EIF2AK4: variants seen among roughly 807,000 people sequenced by gnomAD.
EIF2AK4 encodes eukaryotic translation initiation factor 2 alpha kinase 4.
EIF2AK4 carries 139 observed loss-of-function variants against 211.1 expected under a neutral mutation model. The ratio of observed to expected loss-of-function variants is 0.66; its 90% CI spans 0.57 to 0.76. The LOEUF is 0.76. Ranked by LOEUF, EIF2AK4 falls within the 30% of genes least tolerant of loss-of-function variation. The pLI, the probability that EIF2AK4 is intolerant of heterozygous loss-of-function variation, is 0.00. For missense variants in EIF2AK4, 1,664 were observed against 2,043.8 expected, an observed-to-expected ratio of 0.81 and a Z score of 3.58; for synonymous variants, 710 against 751.3, an observed-to-expected ratio of 0.94 and a Z score of 0.90.
At chr15:40,032,445 A>G (rs2035556290) in intron 36 of EIF2AK4, among the ~76,000 whole-genome samples, 1 of 152,260 alleles carries the variant, frequency 6.6e-6, no homozygotes, top group Non-Finnish European at 1.5e-5. Context: ...TCTTTAAGAT[A>G]GAGGAAAATG....
At chr15:39,996,227 A>G (rs546554571) in intron 18 of EIF2AK4, among the ~76,000 whole-genome samples, 33 of 152,332 alleles carry the variant, frequency 2.2e-4, no homozygotes, top group African/African-American at 7.5e-4. Context: ...TGTAGTCAGG[A>G]GCTGGCCTTT....
intron 29 of EIF2AK4, among the ~76,000 whole-genome samples, chr15:40,017,558 T>TGTATG (rs1555422343): frequency 2.3e-5 from 3 of 127,990 alleles, no homozygotes; most frequent in Non-Finnish European, 3.3e-5. Flanking sequence ...TATATATGTA[T>TGTATG]TTTGGAGACA....
At chr15:40,026,134 A>G (rs757642939) in intron 33 of EIF2AK4, 45 bp downstream of exon 33, 2 of 1,489,572 alleles carry the variant, frequency 1.3e-6, no homozygotes, top group African/African-American at 2.8e-5. Context: ...TCAGTTACCT[A>G]TATGGAAACT....
chr15:40,010,445 ATTACT>A (rs2035219675), intron 26 of EIF2AK4, among the ~76,000 whole-genome samples: 3 of 152,194 alleles, frequency 2.0e-5, no homozygotes, highest in Non-Finnish European at 4.4e-5. Flanking sequence ...CATAGTATTC[ATTACT>A]TTATAGTATA....
chr15:39,967,300 G>A (rs768589752), intron 8 of EIF2AK4, 44 bp from the exon 9 acceptor site: 41 of 1,504,668 alleles, frequency 2.7e-5, no homozygotes, highest in Admixed American at 6.6e-5. Context: ...CCAAGTTAAT[G>A]TTGACTGGCC....
rs2035586050 is a variant in EIF2AK4 at position 40,034,391 on chromosome 15, A to G, written c.4839A>G (p.Gln1613=). Residue 1613 remains glutamine (Q), a synonymous_variant, in exon 38 of 39, where the codon CAA becomes CAG. Transcript: ENST00000263791. ...VKQLLSRLPK[Q]RYLKLVCDEI... ...AGCTGCTGTCACGCCTGCCAAAGCA[A>G]AGATACCTCAAATTAGTCTGTGATG... The G allele has an allele frequency of 1.9e-6, 3 of 1,614,012 alleles. No individual in the cohort carries two copies. The highest frequency in any genetic ancestry group is 3.3e-5 in the Admixed American group (2 of 60,000).
intron 38 of EIF2AK4, among the ~76,000 whole-genome samples, 163 bp from the exon 39 acceptor site, chr15:40,034,864 T>C (rs1324061187): frequency 6.6e-6 from 1 of 151,982 alleles, no homozygotes; most frequent in Non-Finnish European, 1.5e-5. Flanking sequence ...TGCAGACCCC[T>C]GTCAGTCACA....
At chr15:40,018,997 G>C in intron 29 of EIF2AK4, 96 bp from the exon 30 acceptor site, 1 of 865,346 alleles carries the variant, frequency 1.2e-6, no homozygotes, top group South Asian at 1.6e-5. Context: ...TTGATGATGA[G>C]CTGCTGACAG....
intron 33 of EIF2AK4, among the ~76,000 whole-genome samples, chr15:40,026,355 G>A (rs2035465707): frequency 6.6e-6 from 1 of 152,172 alleles, no homozygotes; most frequent in Non-Finnish European, 1.5e-5. Flanking sequence ...CTACTCAGGA[G>A]CTGAGGTGGG....
At chr15:39,979,672 A>G (rs1353166926) in intron 13 of EIF2AK4, among the ~76,000 whole-genome samples, 2 of 152,244 alleles carry the variant, frequency 1.3e-5, no homozygotes, top group Non-Finnish European at 2.9e-5. Context: ...CCACATTTAA[A>G]ACTGAAAATC....
In EIF2AK4 at chr15:40,001,236, C is replaced by A. The variant is rs2307103; in HGVS notation, c.3159+12C>A. 1.9e-3 allele frequency: 3,090 copies of A among 1,611,220 alleles called. 43 individuals are homozygous for A. In the East Asian group the frequency reaches 0.033, roughly 17 times the overall value. Reference sequence around the variant, plus strand: ...GCGACATACTGAAGGTGGGCTTAAGCCACGCTGCACAAAGGGAGCTTCACC... The same window carrying A: ...GCGACATACTGAAGGTGGGCTTAAGACACGCTGCACAAAGGGAGCTTCACC... On this transcript the variant is annotated intron_variant, in intron 21 of 38. Transcript: ENST00000263791.
rs530266813 is a variant in EIF2AK4 at position 39,981,377 on chromosome 15, A to G, written c.2319+3230A>G. Among the ~76,000 whole-genome samples, 28 of 152,326 alleles carry G rather than the reference A, an allele frequency of 1.8e-4. 1 individual carries two copies. Among genetic ancestry groups the G allele is most frequent in the Non-Finnish European group, 3.5e-4 (24 of 68,024 alleles). Reference sequence around the variant, plus strand: ...AAGAGCGAAACTCTGTCTCAAAAAAAAAAAAAGTCTGAACTACTGCTAAAG... The same window carrying G: ...AAGAGCGAAACTCTGTCTCAAAAAAGAAAAAAGTCTGAACTACTGCTAAAG... On this transcript the variant is annotated intron_variant, in intron 13 of 38. Transcript: ENST00000263791.
intron 18 of EIF2AK4, among the ~76,000 whole-genome samples, chr15:39,994,731 A>C (rs557265562): frequency 7.7e-4 from 117 of 152,336 alleles, no homozygotes; most frequent in Admixed American, 2.0e-3. Flanking sequence ...ATTGGACAAC[A>C]ACATAAAGTT....
chr15:39,943,466 C>T lies in EIF2AK4; in HGVS notation c.341C>T (p.Ala114Val). 1.3e-6 allele frequency: 2 copies of T among 1,581,356 alleles called. No individual in the cohort carries two copies. The highest frequency in any genetic ancestry group is 1.7e-6 in the Non-Finnish European group (2 of 1,169,174). ...TTAAAATCTCGCCTAGAAGAACTGG[C>T]CAAGAAACACTGTGGGGAGGTAAGA... ...NLLKSRLEELAKKHCGEVMIF... is the reference protein window; with the variant it reads ...NLLKSRLEELVKKHCGEVMIF... Residue 114 changes from alanine (A) to valine (V), a missense_variant, in exon 3 of 39, where the codon GCC becomes GTC. Transcript: ENST00000263791.
rs779703872 is a variant in EIF2AK4, at chr15:39,967,416, A to G, written c.1090A>G (p.Met364Val). ...SHPNVVRYLA[M>V]NLKEQDDSIV... ...TCCAAATGTAGTACGCTACCTTGCA[A>G]TGAATCTCAAAGAGCAAGACGACTC... The change falls in exon 9 of 39, where the codon ATG becomes GTG. Residue 364 changes from methionine (M) to valine (V), a missense_variant. This residue lies in a region of EIF2AK4 where 641 missense variants were observed against 729.6 expected (regional missense o/e 0.88). Transcript: ENST00000263791. The G allele has an allele frequency of 3.5e-5, 57 of 1,613,814 alleles. No individual in the cohort carries two copies. The highest frequency in any genetic ancestry group is 1.6e-4 in the Middle Eastern group (1 of 6,084).
intron 11 of EIF2AK4, chr15:39,974,514 AG>A: frequency 6.6e-6 from 1 of 152,352 alleles, no homozygotes; most frequent in South Asian, 2.1e-4. Flanking sequence ...ACACTAAAAA[AG>A]GAATTAAATT....
At chr15:39,996,431 G>A (rs554682948) in intron 18 of EIF2AK4, among the ~76,000 whole-genome samples, 8 of 152,304 alleles carry the variant, frequency 5.3e-5, no homozygotes, top group Non-Finnish European at 1.0e-4. Flanking sequence ...AAGGCCAGGC[G>A]TGTTGGCTCA....
intron 1 of EIF2AK4, among the ~76,000 whole-genome samples, chr15:39,936,321 G>A (rs1566978648): frequency 6.6e-6 from 1 of 152,208 alleles, no homozygotes; most frequent in African/African-American, 2.4e-5. Context: ...ATAATTGATG[G>A]TCTCAAGGAT....
intron 9 of EIF2AK4, among the ~76,000 whole-genome samples, chr15:39,969,312 A>G (rs1411106269): frequency 2.0e-5 from 3 of 147,266 alleles, no homozygotes; most frequent in Non-Finnish European, 4.5e-5. Flanking sequence ...AAATAGCTGT[A>G]TGCTCTGTCA....
Sources: allele counts gnomAD v4.1 joint callset (sites outside exome capture counted in the v4.1 genomes callset), GRCh38; gene constraint gnomAD v4.1.1; regional missense constraint gnomAD v4.1.1; transcripts MANE v1.5; gene names NCBI Gene and HGNC (gene_info 2026-07-23, HGNC 2026-07-21).